CCDC50: variants seen among roughly 807,000 people sequenced by gnomAD.
The protein encoded by CCDC50 is coiled-coil domain containing 50, also known as coiled-coil domain-containing protein 50.
CCDC50 carries 54 observed loss-of-function variants against 70.2 expected under a neutral mutation model. That is an observed-to-expected ratio of 0.77 (90% CI 0.62 to 0.96). CCDC50 has a LOEUF of 0.96. Among genes scored for constraint, CCDC50 ranks in the 50% least tolerant of loss-of-function variants. CCDC50 has a pLI of 0.00. For synonymous variants in CCDC50, 216 were observed against 198.8 expected, an observed-to-expected ratio of 1.09 and a Z score of -0.73; for missense variants, 558 against 578.7, an observed-to-expected ratio of 0.96 and a Z score of 0.37.
At chr3:191,372,983 C>A (rs115191029) in intron 5 of CCDC50, among the ~76,000 whole-genome samples, 1,754 of 151,988 alleles carry the variant, frequency 0.012, 39 homozygotes, top group African/African-American at 0.039. Context: ...ATACATATAT[C>A]GGTGTTATAT....
chr3:191,385,038 G>A (rs1713441814), intron 10 of CCDC50, among the ~76,000 whole-genome samples: 1 of 152,116 alleles, frequency 6.6e-6, no homozygotes, highest in Admixed American at 6.6e-5. Context: ...TAGTGTATAT[G>A]TACCACATTT....
intron 4 of CCDC50, among the ~76,000 whole-genome samples, chr3:191,362,086 T>A (rs1576960864): frequency 6.6e-6 from 1 of 152,240 alleles, no homozygotes; most frequent in African/African-American, 2.4e-5. Context: ...GACTTGAATT[T>A]ACCATCAGCT....
chr3:191,350,322 C>T (rs1712065004), intron 1 of CCDC50, among the ~76,000 whole-genome samples: 1 of 141,896 alleles, frequency 7.0e-6, no homozygotes, highest in African/African-American at 2.5e-5. Context: ...GGAAAGCAAG[C>T]ATAATCCCTG....
In CCDC50 at chr3:191,361,126, A is replaced by G. The variant is rs1459483944; in HGVS notation, c.297A>G (p.Ala99=). 6.2e-7 allele frequency: 1 copy of G among 1,613,802 alleles called. No homozygotes were observed. The highest frequency in any genetic ancestry group is 8.5e-7 in the Non-Finnish European group (1 of 1,179,744). ...QEIQEKLAIE[A]ERRRIQEKKD... ...TTCAGGAGAAGCTGGCTATTGAGGC[A>G]GAGAGACGACGCATTCAGGAGAAGA... is the stretch of plus-strand genomic sequence containing the variant. The change falls in exon 4 of 12, where the codon GCA becomes GCG. Residue 99 remains alanine (A), a synonymous_variant. Coordinates refer to ENST00000392455, the MANE Select transcript of CCDC50 (RefSeq NM_178335.3).
chr3:191,395,887 T>G lies in CCDC50; in HGVS notation c.*4127T>G, dbSNP rs1440879295. ...TTAAAGCCATATCTGCTTATCTTAC[T>G]GTTGATAGAATACTTTTTTTCTTTT... is the stretch of plus-strand genomic sequence containing the variant. On this transcript the variant is annotated 3_prime_UTR_variant, in exon 12 of 12. Transcript: ENST00000392455. 6.6e-6 allele frequency: 1 copy of G among 152,212 alleles called. No individual in the cohort carries two copies. The highest frequency in any genetic ancestry group is 1.5e-5 in the Non-Finnish European group (1 of 68,014). The allele number at this position is 152,212 out of a possible 1,614,324, so 9.4% of individuals were successfully genotyped here. A position where few individuals can be genotyped will look rare whatever the true frequency, so the allele number is the denominator to read the frequency against.
intron 4 of CCDC50, among the ~76,000 whole-genome samples, chr3:191,361,853 C>G (rs767030009): frequency 2.0e-5 from 3 of 152,162 alleles, no homozygotes; most frequent in Non-Finnish European, 4.4e-5. Context: ...TTAGAGAGAG[C>G]AGACTTTTGA....
chr3:191,368,614 T>G (rs925594058), intron 4 of CCDC50, among the ~76,000 whole-genome samples: 3 of 138,134 alleles, frequency 2.2e-5, no homozygotes, highest in African/African-American at 9.4e-5. Flanking sequence ...TATTGCCATC[T>G]GAGGGTATTC....
chr3:191,381,335 G>A (rs1014351702), intron 9 of CCDC50, among the ~76,000 whole-genome samples: 27 of 152,032 alleles, frequency 1.8e-4, no homozygotes, highest in Non-Finnish European at 3.7e-4. Flanking sequence ...TCTCTATCAT[G>A]TATCCGTTTC....
At chr3:191,362,023 GT>G (rs1560163179) in intron 4 of CCDC50, among the ~76,000 whole-genome samples, 1 of 152,146 alleles carries the variant, frequency 6.6e-6, no homozygotes, top group East Asian at 1.9e-4. Context: ...AAGTCATAGT[GT>G]TTTTAAGGCT....
intron 1 of CCDC50, among the ~76,000 whole-genome samples, chr3:191,356,742 A>C (rs1379462092): frequency 6.6e-6 from 1 of 152,166 alleles, no homozygotes; most frequent in Non-Finnish European, 1.5e-5. Context: ...CATGACTGAT[A>C]CGTCTGTTAT....
At chr3:191,349,966 AC>A (rs11454979) in intron 1 of CCDC50, among the ~76,000 whole-genome samples, 28,733 of 105,734 alleles carry the variant, frequency 0.27, 7,770 homozygotes, top group African/African-American at 0.55. Context: ...ATTTAATAAT[AC>A]CCCCCCCCTC....
At chr3:191,343,145 A>G (rs1020725540) in intron 1 of CCDC50, among the ~76,000 whole-genome samples, 5 of 152,142 alleles carry the variant, frequency 3.3e-5, no homozygotes, top group Non-Finnish European at 7.3e-5. Flanking sequence ...GCAAGAAGTG[A>G]GTATGCACCT....
At chr3:191,382,310 C>T (rs1713346359) in intron 9 of CCDC50, among the ~76,000 whole-genome samples, 1 of 152,148 alleles carries the variant, frequency 6.6e-6, no homozygotes, top group South Asian at 2.1e-4. Flanking sequence ...TGGAAATCAG[C>T]CTAAGACATG....
intron 1 of CCDC50, among the ~76,000 whole-genome samples, chr3:191,331,976 C>G (rs982503511): frequency 6.6e-6 from 1 of 152,108 alleles, no homozygotes; most frequent in African/African-American, 2.4e-5. Flanking sequence ...TATCTGTCTC[C>G]TCTACTTTTT....
chr3:191,361,276 C>T lies in CCDC50; in HGVS notation c.330+117C>T, dbSNP rs71312412. 10 of 741,706 alleles carry T rather than the reference C, an allele frequency of 1.3e-5. No individual in the cohort carries two copies. In the East Asian group the frequency reaches 2.5e-4, roughly 18 times the overall value. The allele number at this position is 741,706 out of a possible 1,614,324, so 45.9% of individuals were successfully genotyped here. Reference sequence around the variant, plus strand: ...GGTTTCTGAATGGGAAGCAGAATGCCTCTTATTTGGGCTGCATTTTCCTCT... The same window carrying T: ...GGTTTCTGAATGGGAAGCAGAATGCTTCTTATTTGGGCTGCATTTTCCTCT... On this transcript the variant is annotated intron_variant, in intron 4 of 11. Transcript: ENST00000392455.
intron 1 of CCDC50, among the ~76,000 whole-genome samples, chr3:191,339,864 A>G (rs75692029): frequency 0.026 from 3,887 of 152,298 alleles, 148 homozygotes; most frequent in African/African-American, 0.089. Flanking sequence ...AAAGGTTAAA[A>G]TGTACTTGTG....
Position 191,329,423 on chromosome 3 carries a change from T to A in CCDC50, c.-252T>A, listed in dbSNP as rs1433270253. 4.8e-6 allele frequency: 2 copies of A among 420,020 alleles called. No individual in the cohort carries two copies. Among genetic ancestry groups the A allele is most frequent in the South Asian group, 9.2e-5 (2 of 21,738 alleles). The allele number at this position is 420,020 out of a possible 1,614,324, so 26.0% of individuals were successfully genotyped here. On this transcript the variant is annotated 5_prime_UTR_variant, in exon 1 of 12. The change creates a new upstream start codon in the 5' untranslated region. Coordinates refer to ENST00000392455, the MANE Select transcript of CCDC50 (RefSeq NM_178335.3). ...CCGGGCTCCGGATATTTGGTATCGA[T>A]TGGGGCCGGGGACGCGGAGCAGGTG...
chr3:191,353,929 TTCAGGGACAAATTGCAATAATAGAA>T (rs1483022220), intron 1 of CCDC50, among the ~76,000 whole-genome samples: 1 of 152,154 alleles, frequency 6.6e-6, no homozygotes, highest in Non-Finnish European at 1.5e-5. Context: ...CTTCTGCAGA[TTCAGGGACAAATTGCAATAATAGAA>T]TATACTTCAG....
intron 1 of CCDC50, among the ~76,000 whole-genome samples, chr3:191,347,224 A>C (rs1352109643): frequency 7.0e-6 from 1 of 141,902 alleles, no homozygotes; most frequent in Non-Finnish European, 1.6e-5. Flanking sequence ...CTTTCTTCTT[A>C]TTTTTTGGAT....
Sources: allele counts gnomAD v4.1 joint callset (sites outside exome capture counted in the v4.1 genomes callset), GRCh38; gene constraint gnomAD v4.1.1; transcripts MANE v1.5; gene names NCBI Gene and HGNC (gene_info 2026-07-23, HGNC 2026-07-21).